Variants in SNX27 observed in about 807,000 individuals in gnomAD.
The protein encoded by SNX27 is sorting nexin-27.
A neutral mutation model predicts 71.6 loss-of-function variants in SNX27; 22 were observed. The ratio of observed to expected loss-of-function variants is 0.31; its 90% CI spans 0.22 to 0.44. The LOEUF is 0.44. Ranked by LOEUF, SNX27 falls within the 20% of genes least tolerant of loss-of-function variation. SNX27 has a pLI of 1.00. For synonymous variants in SNX27, 269 were observed against 277.2 expected, an observed-to-expected ratio of 0.97 and a Z score of 0.29; for missense variants, 531 against 698.6, an observed-to-expected ratio of 0.76 and a Z score of 2.70.
At chr1:151,683,286 G>C (rs1671049401) in intron 7 of SNX27, 70 bp from the exon 8 acceptor site, 2 of 1,282,838 alleles carry the variant, frequency 1.6e-6, no homozygotes, top group Non-Finnish European at 2.2e-6. Context: ...GTCTGTGTCT[G>C]TTTTCATCGA....
rs1170609597 is a variant in SNX27 at position 151,662,234 on chromosome 1, G to A, written c.870G>A (p.Arg290=). 6.2e-7 allele frequency: 1 copy of A among 1,613,292 alleles called. No homozygotes were observed. Among genetic ancestry groups the A allele is most frequent in the Non-Finnish European group, 8.5e-7 (1 of 1,179,500 alleles). Residue 290 remains arginine (R), a synonymous_variant, in exon 5 of 12, where the codon AGG becomes AGA. Coordinates refer to ENST00000458013, the MANE Select transcript of SNX27 (RefSeq NM_001330723.2). ...CAGATGGAACAACGGTTACAGTCAG[G>A]GTTAAAAAGAACAGTACTACAGACC... ...ALPDGTTVTV[R]VKKNSTTDQV...
chr1:151,612,538 C>T lies in SNX27; in HGVS notation c.311+26C>T. The T allele has an allele frequency of 3.8e-6, 5 of 1,325,790 alleles. No homozygotes were observed. The African/African-American group carries it at 6.1e-5, about 16-fold the overall frequency. The allele number at this position is 1,325,790 out of a possible 1,614,324, so 82.1% of individuals were successfully genotyped here. A position where few individuals can be genotyped will look rare whatever the true frequency, so the allele number is the denominator to read the frequency against. ...GTGAGTATCGGGGCTACCCGCCGCC[C>T]CATCCTCCCCGCGCCCCTCCTGCCC... On this transcript the variant is annotated intron_variant, in intron 1 of 11. Transcript: ENST00000458013. The surrounding 1 kb of genome is among the most constrained non-coding windows in gnomAD (Gnocchi z 5.2).
At chr1:151,667,984 A>G (rs1670285980) in intron 6 of SNX27, among the ~76,000 whole-genome samples, 3 of 152,188 alleles carry the variant, frequency 2.0e-5, no homozygotes, top group Non-Finnish European at 1.5e-5. Context: ...CTATAAAGGA[A>G]TACCTGAGGC....
Position 151,667,580 on chromosome 1 carries a change from C to T in SNX27, c.986-892C>T, listed in dbSNP as rs186353796. Among the ~76,000 whole-genome samples, 8 of 129,690 alleles carry T rather than the reference C, an allele frequency of 6.2e-5. No individual in the cohort carries two copies. The East Asian group carries it at 1.6e-3, about 26-fold the overall frequency. The allele number at this position is 129,690 out of a possible 152,430, so 85.1% of individuals were successfully genotyped here. ...GTGGCTCACGCCTGTAATCCCAGCACTTTGGGAGGCCGAGGCGGGCGGATC... is the reference window on the plus strand; with the variant it reads ...GTGGCTCACGCCTGTAATCCCAGCATTTTGGGAGGCCGAGGCGGGCGGATC... On this transcript the variant is annotated intron_variant, in intron 6 of 11. Coordinates refer to ENST00000458013, the MANE Select transcript of SNX27 (RefSeq NM_001330723.2).
intron 5 of SNX27, among the ~76,000 whole-genome samples, chr1:151,663,797 T>G (rs1670067735): frequency 6.6e-6 from 1 of 152,148 alleles, no homozygotes; most frequent in South Asian, 2.1e-4. Flanking sequence ...TAGGTTTAGG[T>G]GGTGAAATCT....
rs778326282 is a variant in SNX27 at position 151,660,835 on chromosome 1, G to A, written c.774G>A (p.Met258Ile). The A allele has an allele frequency of 1.3e-5, 21 of 1,612,890 alleles. No homozygotes were observed. Among genetic ancestry groups the A allele is most frequent in the Non-Finnish European group, 1.5e-5 (18 of 1,179,006 alleles). Residue 258 changes from methionine (M) to isoleucine (I), a missense_variant, in exon 4 of 12, where the codon ATG becomes ATA. Physicochemically the swap from Met to Ile is conservative, Grantham distance 10. Coordinates refer to ENST00000458013, the MANE Select transcript of SNX27 (RefSeq NM_001330723.2). ...GAGTAATTGGTGAGAGTGACATCAT[G>A]CAGGAATTCCTATCAGAATCCGATG... ...SIRVIGESDI[M>I]QEFLSESDEN...
intron 8 of SNX27, among the ~76,000 whole-genome samples, chr1:151,689,599 C>T (rs187936123): frequency 6.8e-4 from 103 of 152,322 alleles, no homozygotes; most frequent in African/African-American, 2.3e-3. Context: ...TACCTCTCAA[C>T]GAAGAGAACT....
intron 2 of SNX27, among the ~76,000 whole-genome samples, chr1:151,648,576 C>T (rs992132295): frequency 7.9e-5 from 12 of 152,104 alleles, no homozygotes; most frequent in African/African-American, 2.2e-4. Flanking sequence ...TGAACCACCA[C>T]GCCTGGCTAA....
intron 3 of SNX27, chr1:151,660,218 C>T (rs1455671716): frequency 6.6e-6 from 1 of 151,486 alleles, no homozygotes; most frequent in African/African-American, 2.4e-5. Context: ...GGCTTGCTTT[C>T]CTATCCCATC....
chr1:151,697,839 A>C lies in SNX27; in HGVS notation c.*3422A>C, dbSNP rs745607722. On this transcript the variant is annotated 3_prime_UTR_variant, in exon 12 of 12. Transcript: ENST00000458013. ...GTGCCCCCAGCTTCATCCCAGCAGA[A>C]CCAGCAGGATCCTCCTGGTCTCTCA... 2 of 152,566 alleles carry C rather than the reference A, an allele frequency of 1.3e-5. No individual in the cohort carries two copies. Among genetic ancestry groups the C allele is most frequent in the African/African-American group, 2.4e-5 (1 of 41,396 alleles). 9.5% of individuals were successfully genotyped at this position (152,566 alleles called of 1,614,324 possible).
chr1:151,640,721 A>G (rs1668684570), intron 2 of SNX27, among the ~76,000 whole-genome samples: 1 of 152,180 alleles, frequency 6.6e-6, no homozygotes, highest in Non-Finnish European at 1.5e-5. Context: ...TAGTTTACCT[A>G]TATTAACATT....
intron 1 of SNX27, chr1:151,629,477 A>ATG (rs1303484923): frequency 9.8e-5 from 2 of 20,414 alleles, no homozygotes; most frequent in Non-Finnish European, 6.8e-4. Context: ...ATACATATAT[A>ATG]CGTATATATA....
chr1:151,620,429 A>G (rs914792409), intron 1 of SNX27, among the ~76,000 whole-genome samples: 13 of 152,338 alleles, frequency 8.5e-5, no homozygotes, highest in Admixed American at 3.9e-4. Context: ...GTCTTGTACT[A>G]TATAAAGAAG....
chr1:151,660,256 T>TC (rs903581283), intron 3 of SNX27: 4 of 151,850 alleles, frequency 2.6e-5, no homozygotes, highest in African/African-American at 9.7e-5. Context: ...TTTTTTTTTT[T>TC]TGGTGGTTGT....
chr1:151,693,243 G>A, intron 10 of SNX27, 181 bp from the exon 11 acceptor site: 2 of 903,754 alleles, frequency 2.2e-6, no homozygotes, highest in Non-Finnish European at 3.4e-6. Flanking sequence ...TTGGCTCGTA[G>A]TTACCACTAG....
chr1:151,628,669 G>T (rs193091369), intron 1 of SNX27, among the ~76,000 whole-genome samples: 102 of 152,222 alleles, frequency 6.7e-4, no homozygotes, highest in African/African-American at 2.2e-3. Flanking sequence ...CAGGTTTTTT[G>T]ATTTTAGGCA....
chr1:151,682,121 C>T (rs914922574), intron 7 of SNX27, among the ~76,000 whole-genome samples: 3 of 152,178 alleles, frequency 2.0e-5, no homozygotes, highest in Admixed American at 2.0e-4. Flanking sequence ...TATAAAATAA[C>T]TGGAATTTAA....
intron 1 of SNX27, among the ~76,000 whole-genome samples, chr1:151,621,498 C>T (rs1039424527): frequency 1.3e-5 from 2 of 152,152 alleles, no homozygotes; most frequent in Non-Finnish European, 2.9e-5. Context: ...AGAGCAAGAC[C>T]AGAATGATAG....
chr1:151,693,485 T>C lies in SNX27; in HGVS notation c.1578+2T>C. 6.2e-7 allele frequency: 1 copy of C among 1,614,022 alleles called. No homozygotes were observed. Among genetic ancestry groups the C allele is most frequent in the Non-Finnish European group, 8.5e-7 (1 of 1,179,954 alleles). On this transcript the variant is annotated splice_donor_variant, in intron 11 of 11. Transcript: ENST00000458013. LOFTEE classifies it high-confidence loss of function. ...TGCGAGCTCAAGTGGAGAAAAGAGG[T>C]AATTCTGAACAGTCCTTGAATTGAC...
Sources: allele counts gnomAD v4.1 joint callset (sites outside exome capture counted in the v4.1 genomes callset), GRCh38; gene constraint gnomAD v4.1.1; non-coding constraint Gnocchi (gnomAD v3.1); transcripts MANE v1.5; gene names NCBI Gene and HGNC (gene_info 2026-07-23, HGNC 2026-07-21).